The following TFDP2 variants were observed in gnomAD, a reference collection of about 807,000 sequenced individuals.
TFDP2 encodes transcription factor Dp-2.
TFDP2 carries 17 observed loss-of-function variants against 59.3 expected under a neutral mutation model. That is an observed-to-expected ratio of 0.29 (90% CI 0.20 to 0.43). TFDP2 has a LOEUF of 0.43. Ranked by LOEUF, TFDP2 falls within the 20% of genes least tolerant of loss-of-function variation. TFDP2 has a pLI of 1.00. For missense variants in TFDP2, 391 were observed against 528.8 expected (o/e 0.74, Z 2.56); for synonymous variants, 180 against 194.7 (o/e 0.92, Z 0.63).
At chr3:141,990,006 G>A (rs749760644) in intron 6 of TFDP2, among the ~76,000 whole-genome samples, 5 of 151,748 alleles carry the variant, frequency 3.3e-5, no homozygotes, top group African/African-American at 4.8e-5. Flanking sequence ...CAATTCTTGC[G>A]CCTCAGCCTC....
intron 1 of TFDP2, among the ~76,000 whole-genome samples, chr3:142,110,871 T>C (rs1207514043): frequency 1.3e-5 from 2 of 151,844 alleles, no homozygotes; most frequent in East Asian, 1.9e-4. Context: ...GAGGATCCCT[T>C]GAGCCCAGGA....
intron 3 of TFDP2, among the ~76,000 whole-genome samples, chr3:142,049,328 A>G (rs559327077): frequency 2.6e-5 from 4 of 152,374 alleles, no homozygotes; most frequent in East Asian, 3.9e-4. Flanking sequence ...AAATCAATCA[A>G]TATAATTCCC....
At chr3:142,110,608 G>A (rs1183280420) in intron 1 of TFDP2, among the ~76,000 whole-genome samples, 1 of 152,044 alleles carries the variant, frequency 6.6e-6, no homozygotes, top group Non-Finnish European at 1.5e-5. Context: ...TTACTTATTG[G>A]ATAAATACTT....
chr3:142,065,015 T>C (rs929744654), intron 3 of TFDP2, among the ~76,000 whole-genome samples: 26 of 152,138 alleles, frequency 1.7e-4, no homozygotes, highest in Admixed American at 6.6e-4. Flanking sequence ...ATAAAATGTA[T>C]CTGAAGATAA....
chr3:142,132,315 G>C (rs979343843), intron 1 of TFDP2, among the ~76,000 whole-genome samples: 1 of 150,090 alleles, frequency 6.7e-6, no homozygotes, highest in Non-Finnish European at 1.5e-5. Context: ...GAAGGGGATG[G>C]GAAGTAACTG....
chr3:142,099,571 A>G (rs1432533319), intron 2 of TFDP2, among the ~76,000 whole-genome samples: 2 of 151,942 alleles, frequency 1.3e-5, no homozygotes, highest in Non-Finnish European at 2.9e-5. Context: ...CATGGTGCAC[A>G]TGCCTGTAAT....
intron 3 of TFDP2, among the ~76,000 whole-genome samples, chr3:142,075,808 G>A (rs1007254590): frequency 6.8e-6 from 1 of 147,526 alleles, no homozygotes; most frequent in Admixed American, 6.9e-5. Flanking sequence ...TCAGGAGGCT[G>A]AAATGAAAGG....
At chr3:141,985,631 C>T (rs1942015471) in intron 6 of TFDP2, among the ~76,000 whole-genome samples, 1 of 151,432 alleles carries the variant, frequency 6.6e-6, no homozygotes, top group Admixed American at 6.6e-5. Context: ...AAAGCAAAGA[C>T]CTAAATGTAA....
At chr3:142,051,430 T>C (rs1016720216) in intron 3 of TFDP2, among the ~76,000 whole-genome samples, 1 of 151,686 alleles carries the variant, frequency 6.6e-6, no homozygotes, top group Non-Finnish European at 1.5e-5. Flanking sequence ...TCCCAGCTAC[T>C]CGGGAGGCTG....
At chr3:142,119,505 A>T (rs142984978) in intron 1 of TFDP2, among the ~76,000 whole-genome samples, 1 of 152,236 alleles carries the variant, frequency 6.6e-6, no homozygotes, top group African/African-American at 2.4e-5. Context: ...ATCAAAAAAC[A>T]GTTTGACTGC....
chr3:142,019,792 C>T (rs1201211449), intron 3 of TFDP2, among the ~76,000 whole-genome samples: 3 of 152,148 alleles, frequency 2.0e-5, no homozygotes, highest in African/African-American at 7.2e-5. Flanking sequence ...TAATCCACTC[C>T]ATGCTGATAT....
chr3:142,063,169 A>G (rs1307345651), intron 3 of TFDP2, among the ~76,000 whole-genome samples: 1 of 152,226 alleles, frequency 6.6e-6, no homozygotes, highest in Non-Finnish European at 1.5e-5. Flanking sequence ...CAAATACAGA[A>G]GAGAATATAT....
intron 6 of TFDP2, among the ~76,000 whole-genome samples, chr3:141,988,158 C>T (rs1942336419): frequency 6.6e-6 from 1 of 152,082 alleles, no homozygotes; most frequent in Admixed American, 6.5e-5. Flanking sequence ...GTTGCTCAGG[C>T]TAGTCTCGAA....
intron 11 of TFDP2, among the ~76,000 whole-genome samples, chr3:141,955,169 T>C (rs1936442685): frequency 6.6e-6 from 1 of 152,200 alleles, no homozygotes; most frequent in African/African-American, 2.4e-5. Flanking sequence ...CATTCTCTTT[T>C]TACAATGAAT....
At position 142,101,788 on chromosome 3, in the gene TFDP2, A is replaced by C; in HGVS notation, c.-39T>G. 1 of 1,239,724 alleles carries C rather than the reference A, an allele frequency of 8.1e-7. No homozygotes were observed. Among genetic ancestry groups the C allele is most frequent in the Non-Finnish European group, 1.1e-6 (1 of 941,490 alleles). The allele number at this position is 1,239,724 out of a possible 1,614,324, so 76.8% of individuals were successfully genotyped here. A position where few individuals can be genotyped will look rare whatever the true frequency, so the allele number is the denominator to read the frequency against. On this transcript the variant is annotated 5_prime_UTR_variant, in exon 2 of 13. Coordinates refer to ENST00000489671, the MANE Select transcript of TFDP2 (RefSeq NM_001178139.2). The stretch of plus-strand genomic sequence containing the variant: ...CTATTTAAGATTCTGTAAAGCCATT[A>C]AAAAAATAAAAAGAAAAAAACCTTC...
intron 2 of TFDP2, among the ~76,000 whole-genome samples, chr3:142,101,203 G>C (rs909544060): frequency 3.3e-5 from 5 of 151,932 alleles, no homozygotes; most frequent in Non-Finnish European, 7.4e-5. Flanking sequence ...CTTGAAAGGA[G>C]GTATATTCAG....
At chr3:142,059,328 A>G (rs377279406) in intron 3 of TFDP2, among the ~76,000 whole-genome samples, 82 of 152,268 alleles carry the variant, frequency 5.4e-4, no homozygotes, top group African/African-American at 2.0e-3. Context: ...TTTCATAGTG[A>G]GGTCTAAAGA....
At position 141,951,846 on chromosome 3, in the gene TFDP2, T is replaced by C. The variant is rs965228294; in HGVS notation, c.*667A>G. 6.6e-6 allele frequency: 1 copy of C among 152,642 alleles called. No individual in the cohort carries two copies. The highest frequency in any genetic ancestry group is 1.5e-5 in the Non-Finnish European group (1 of 68,042). 9.5% of individuals were successfully genotyped at this position (152,642 alleles called of 1,614,324 possible). On this transcript the variant is annotated 3_prime_UTR_variant, in exon 13 of 13. Transcript: ENST00000489671. ...TAGTAAATTCTATGCACCAATGCATTGGCTAATAATAATTTCAGTTTTACT... is the reference window on the plus strand; with the variant it reads ...TAGTAAATTCTATGCACCAATGCATCGGCTAATAATAATTTCAGTTTTACT...
intron 3 of TFDP2, among the ~76,000 whole-genome samples, chr3:142,052,498 T>C (rs1334282903): frequency 2.0e-5 from 3 of 151,580 alleles, no homozygotes; most frequent in African/African-American, 7.3e-5. Flanking sequence ...TGAGTGGAGA[T>C]CGAGCGGAGA....
Sources: gnomAD v4.1 joint callset for allele counts (sites outside exome capture counted in the v4.1 genomes callset) on GRCh38, gnomAD v4.1.1 for gene constraint, MANE v1.5 for transcripts, NCBI Gene and HGNC (gene_info 2026-07-23, HGNC 2026-07-21) for gene names.